TACC2: variants seen among roughly 807,000 people sequenced by gnomAD.
The protein encoded by TACC2 is transforming acidic coiled-coil-containing protein 2.
Under a neutral mutation model 227.3 loss-of-function variants are expected in TACC2, and 137 were observed. The ratio of observed to expected loss-of-function variants is 0.60; its 90% CI spans 0.52 to 0.69. The LOEUF (loss-of-function observed/expected upper bound fraction) is 0.69, where lower values mean the gene tolerates loss of function less well. Ranked by LOEUF, TACC2 falls within the 30% of genes least tolerant of loss-of-function variation. The pLI is 0.00. For synonymous variants in TACC2, 1,523 were observed against 1,487.5 expected (o/e 1.02, Z -0.55); for missense variants, 3,470 against 3,694.4 (o/e 0.94, Z 1.57).
At chr10:122,183,028 A>AC (rs2094027308) in intron 7 of TACC2, among the ~76,000 whole-genome samples, 1 of 152,114 alleles carries the variant, frequency 6.6e-6, no homozygotes, top group African/African-American at 2.4e-5. Context: ...AGATGGCGAA[A>AC]CCCCATCTCT....
At position 122,085,768 on chromosome 10, in the gene TACC2, C is replaced by T. The variant is rs1178167076; in HGVS notation, c.3268C>T (p.Gln1090Ter). Reference sequence around the variant, plus strand: ...ATGTGATGAAACCCAGGAAGGCAGGCAGCAACCAGTGCCGGCCCCGCAGCA... The same window carrying T: ...ATGTGATGAAACCCAGGAAGGCAGGTAGCAACCAGTGCCGGCCCCGCAGCA... The part of the protein sequence containing the change: ...EACDETQEGR[Q>*]QPVPAPQQKM... Residue 1090 changes from glutamine to a stop codon, truncating the protein, a stop_gained, in exon 4 of 23, where the codon CAG (glutamine) becomes TAG (stop). Transcript: ENST00000369005. LOFTEE classifies it high-confidence loss of function. 1 of 1,613,692 alleles carries T rather than the reference C, an allele frequency of 6.2e-7. No homozygotes were observed. The highest frequency in any genetic ancestry group is 8.5e-7 in the Non-Finnish European group (1 of 1,179,982).
In TACC2 at chr10:122,254,090, G is replaced by A. The variant is rs750169900; in HGVS notation, c.*34G>A. 7 of 1,584,736 alleles carry A rather than the reference G, an allele frequency of 4.4e-6. No homozygotes were observed. The highest frequency in any genetic ancestry group is 1.7e-5 in the Admixed American group (1 of 59,942). ...CGAATGTTTTGGACTTAACTGTTGCGTGCAATATGACCGTCGGCACACTGC... is the reference window on the plus strand; with the variant it reads ...CGAATGTTTTGGACTTAACTGTTGCATGCAATATGACCGTCGGCACACTGC... On this transcript the variant is annotated 3_prime_UTR_variant, in exon 23 of 23. Coordinates refer to ENST00000369005, the MANE Select transcript of TACC2 (RefSeq NM_206862.4).
intron 3 of TACC2, among the ~76,000 whole-genome samples, chr10:122,072,474 A>G (rs2078193164): frequency 6.6e-6 from 1 of 152,160 alleles, no homozygotes; most frequent in East Asian, 1.9e-4. Flanking sequence ...ACAAGTTAGG[A>G]CCATGTGTGT....
In TACC2 at chr10:122,227,690, G is replaced by C. The variant is rs575597599; in HGVS notation, c.7725-147G>C. ...GGTCCTGGGGTGACTGCCCAGCCTA[G>C]AGGCTGCATGGCCACTGGAGACCTG... On this transcript the variant is annotated intron_variant, in intron 13 of 22. Coordinates refer to ENST00000369005, the MANE Select transcript of TACC2 (RefSeq NM_206862.4). The C allele has an allele frequency of 2.1e-5, 18 of 839,378 alleles. No homozygotes were observed. In the Admixed American group the frequency reaches 2.3e-4, roughly 11 times the overall value. The allele number at this position is 839,378 out of a possible 1,614,324, so 52.0% of individuals were successfully genotyped here.
rs1309376878 is a variant in TACC2, at chr10:122,248,677, G to A, written c.8427G>A (p.Gln2809=). The A allele has an allele frequency of 6.2e-7, 1 of 1,613,848 alleles. No homozygotes were observed. The highest frequency in any genetic ancestry group is 1.7e-4 in the Middle Eastern group (1 of 5,764). ...AGAGAGAGAAGTCAGTCTCCCACCA[G>A]ACGGTGCAGCAGCTGGTTCTGGAGA... ...DEQREKSVSH[Q]TVQQLVLEKE... The change falls in exon 20 of 23, where the codon CAG becomes CAA. Residue 2809 remains glutamine, a synonymous_variant. Transcript: ENST00000369005.
intron 5 of TACC2, among the ~76,000 whole-genome samples, chr10:122,112,508 C>T (rs2083782294): frequency 6.6e-6 from 1 of 152,198 alleles, no homozygotes; most frequent in Admixed American, 6.5e-5. Context: ...ATTAATACCA[C>T]ACAGGTGAAG....
intron 9 of TACC2, 129 bp from the exon 10 acceptor site, chr10:122,215,262 G>A (rs1282978317): frequency 3.8e-6 from 3 of 782,470 alleles, no homozygotes; most frequent in Non-Finnish European, 6.8e-6. Flanking sequence ...TGGTGCTGGA[G>A]TGACAGAGGT....
chr10:122,209,056 C>T lies in TACC2; in HGVS notation c.5972-1341C>T, dbSNP rs1246591424. ...GTGGCACCTTTGAGCATCATTTGGC[C>T]AACATTTGCAGCATCTGCAGCATGT... is the stretch of plus-strand genomic sequence containing the variant. On this transcript the variant is annotated intron_variant, in intron 8 of 22. Coordinates refer to ENST00000369005, the MANE Select transcript of TACC2 (RefSeq NM_206862.4). The surrounding 1 kb of genome is among the most constrained non-coding windows in gnomAD (Gnocchi z 4.5). Among the ~76,000 whole-genome samples, 1 of 152,208 alleles carries T rather than the reference C, an allele frequency of 6.6e-6. No individual in the cohort carries two copies. Among genetic ancestry groups the T allele is most frequent in the Non-Finnish European group, 1.5e-5 (1 of 68,044 alleles).
chr10:122,185,547 C>G (rs2094156370), intron 7 of TACC2, among the ~76,000 whole-genome samples: 1 of 152,194 alleles, frequency 6.6e-6, no homozygotes, highest in African/African-American at 2.4e-5. Flanking sequence ...TACCCTGCCC[C>G]TTCTCATTTA....
intron 1 of TACC2, among the ~76,000 whole-genome samples, chr10:122,013,558 T>C (rs752724469): frequency 2.0e-5 from 3 of 152,172 alleles, no homozygotes; most frequent in Non-Finnish European, 4.4e-5. Flanking sequence ...TGAATAGCAA[T>C]GGGCTTAGGT....
intron 1 of TACC2, among the ~76,000 whole-genome samples, chr10:122,008,264 A>ATTATTTTTTTTTTTTTTT: frequency 3.7e-5 from 5 of 134,654 alleles, no homozygotes; most frequent in African/African-American, 5.6e-5. Context: ...TATTATTATT[A>ATTATTTTTTTTTTTTTTT]TTTTTTTTTT....
At chr10:122,226,951 C>G (rs1435643447) in intron 13 of TACC2, among the ~76,000 whole-genome samples, 2 of 152,196 alleles carry the variant, frequency 1.3e-5, no homozygotes, top group African/African-American at 4.8e-5. Flanking sequence ...CACCTGTACC[C>G]CCTCCTGGTT....
At chr10:122,246,156 C>T (rs758761483) in intron 19 of TACC2, among the ~76,000 whole-genome samples, 6 of 152,280 alleles carry the variant, frequency 3.9e-5, no homozygotes, top group Non-Finnish European at 7.4e-5. Flanking sequence ...GACCTGTGCA[C>T]GTTCTCTGCC....
At chr10:122,161,556 C>T (rs978725731) in intron 7 of TACC2, among the ~76,000 whole-genome samples, 1 of 152,276 alleles carries the variant, frequency 6.6e-6, no homozygotes, top group Non-Finnish European at 1.5e-5. Flanking sequence ...TCAGGCCACA[C>T]AGCTAACGAG....
intron 5 of TACC2, among the ~76,000 whole-genome samples, chr10:122,115,488 T>G (rs1448535010): frequency 6.6e-6 from 1 of 152,196 alleles, no homozygotes; most frequent in Admixed American, 6.5e-5. Flanking sequence ...GAGGATGCTA[T>G]TGGCGTCTAG....
chr10:122,149,821 G>A (rs2139438753), intron 7 of TACC2, among the ~76,000 whole-genome samples: 1 of 152,314 alleles, frequency 6.6e-6, no homozygotes, highest in African/African-American at 2.4e-5. Context: ...CTGGGCTCTC[G>A]TGGCATCATT....
At chr10:122,154,841 G>A (rs2092356152) in intron 7 of TACC2, among the ~76,000 whole-genome samples, 1 of 152,148 alleles carries the variant, frequency 6.6e-6, no homozygotes, top group African/African-American at 2.4e-5. Flanking sequence ...CTCTGCCCAC[G>A]GACTTTATGC....
At chr10:122,062,920 A>G (rs962386592) in intron 3 of TACC2, among the ~76,000 whole-genome samples, 1 of 152,158 alleles carries the variant, frequency 6.6e-6, no homozygotes, top group Admixed American at 6.5e-5. Flanking sequence ...ATGGCTGTAG[A>G]TGACCCAAGG....
intron 8 of TACC2, among the ~76,000 whole-genome samples, chr10:122,208,032 G>A (rs1292562741): frequency 2.0e-5 from 3 of 152,146 alleles, no homozygotes; most frequent in Non-Finnish European, 2.9e-5. Context: ...GGGAGGATGG[G>A]GTACTTGAGA....
Sources: allele counts gnomAD v4.1 joint callset (sites outside exome capture counted in the v4.1 genomes callset), GRCh38; gene constraint gnomAD v4.1.1; non-coding constraint Gnocchi (gnomAD v3.1); transcripts MANE v1.5; gene names NCBI Gene and HGNC (gene_info 2026-07-23, HGNC 2026-07-21).